Variants in MTUS2 observed in about 807,000 individuals in gnomAD.
MTUS2 encodes microtubule associated scaffold protein 2.
In MTUS2, 40 loss-of-function variants were observed where a neutral mutation model predicts 114.1. The observed-to-expected ratio is 0.35, with a 90% CI of 0.27 to 0.46. The LOEUF (loss-of-function observed/expected upper bound fraction) is 0.46. Among genes scored for constraint, MTUS2 ranks in the 20% least tolerant of loss-of-function variants. The probability of loss-of-function intolerance (pLI) is 1.00; values close to 1 mark genes in which losing one functional copy is unlikely to be tolerated. For synonymous variants in MTUS2, 688 were observed against 672.0 expected (o/e 1.02, Z -0.37); for missense variants, 1,679 against 1,705.4 (o/e 0.98, Z 0.27).
chr13:29,320,876 A>G (rs1476180187), intron 6 of MTUS2, among the ~76,000 whole-genome samples: 1 of 152,206 alleles, frequency 6.6e-6, no homozygotes, highest in Non-Finnish European at 1.5e-5. Flanking sequence ...GAGCTACTGA[A>G]GGTCAGAAAG....
intron 1 of MTUS2, among the ~76,000 whole-genome samples, chr13:28,823,578 A>G (rs1354365735): frequency 6.6e-6 from 1 of 152,174 alleles, no homozygotes; most frequent in Admixed American, 6.5e-5. Context: ...ACCAAACTTT[A>G]GTCAGGCTCC....
chr13:28,992,636 T>C (rs1318869278), intron 2 of MTUS2, among the ~76,000 whole-genome samples: 2 of 152,242 alleles, frequency 1.3e-5, no homozygotes, highest in African/African-American at 4.8e-5. Flanking sequence ...GGGTTATGCC[T>C]GACCATTTCT....
At position 29,025,259 on chromosome 13, in the gene MTUS2, C is replaced by T. The variant is rs771137363; in HGVS notation, c.561C>T (p.Val187=). The change falls in exon 3 of 16, where the codon GTC becomes GTT. Residue 187 remains valine, a synonymous_variant. Transcript: ENST00000612955. The stretch of plus-strand genomic sequence containing the variant: ...GAGCAAGCAGCTCTGTAGCTGCAGT[C>T]GGGAGCCTGACTCCGCAGCATCCAC... ...LERASSSVAA[V]GSLTPQHPQP... is the part of the protein sequence containing the mutation. The T allele has an allele frequency of 1.9e-6, 3 of 1,613,930 alleles. No homozygotes were observed. Among genetic ancestry groups the T allele is most frequent in the African/African-American group, 1.3e-5 (1 of 75,030 alleles).
intron 8 of MTUS2, among the ~76,000 whole-genome samples, chr13:29,437,947 C>CA (rs60962567): frequency 0.012 from 1,620 of 136,378 alleles, 33 homozygotes; most frequent in Admixed American, 0.032. Context: ...GATCTTATCT[C>CA]AAAAAAAAAA....
intron 5 of MTUS2, among the ~76,000 whole-genome samples, chr13:29,274,011 A>G (rs1361496837): frequency 6.6e-6 from 1 of 152,144 alleles, no homozygotes; most frequent in Non-Finnish European, 1.5e-5. Context: ...ATGTGAACAT[A>G]TGTTTTCAGT....
chr13:29,442,070 G>C (rs1363121874), intron 9 of MTUS2, among the ~76,000 whole-genome samples: 3 of 152,114 alleles, frequency 2.0e-5, no homozygotes, highest in Non-Finnish European at 4.4e-5. Context: ...AGGGGATGTG[G>C]AGGTGGAGAC....
At chr13:28,917,549 A>C (rs1032040925) in intron 2 of MTUS2, among the ~76,000 whole-genome samples, 1 of 150,724 alleles carries the variant, frequency 6.6e-6, no homozygotes, top group African/African-American at 2.4e-5. Context: ...TTGAATTTCT[A>C]TGATATCAGT....
intron 2 of MTUS2, among the ~76,000 whole-genome samples, chr13:28,910,466 C>T (rs550628420): frequency 4.3e-4 from 65 of 152,110 alleles, no homozygotes; most frequent in African/African-American, 1.4e-3. Context: ...TGGTTTGCCG[C>T]GTAGATCAAC....
intron 5 of MTUS2, among the ~76,000 whole-genome samples, chr13:29,118,388 C>T (rs930034147): frequency 5.9e-5 from 9 of 152,116 alleles, no homozygotes; most frequent in Non-Finnish European, 1.0e-4. Context: ...ATGTCCTCAT[C>T]CCGTGATGCA....
chr13:28,857,099 C>T (rs1876681807), intron 2 of MTUS2, among the ~76,000 whole-genome samples: 2 of 152,138 alleles, frequency 1.3e-5, no homozygotes, highest in African/African-American at 2.4e-5. Flanking sequence ...GGGAAGACCT[C>T]GGCATTGAGT....
At chr13:29,148,406 C>G (rs1165771057) in intron 5 of MTUS2, among the ~76,000 whole-genome samples, 1 of 142,716 alleles carries the variant, frequency 7.0e-6, no homozygotes, top group Non-Finnish European at 1.5e-5. Context: ...GTTGCCCCCC[C>G]ATGTGTCCAT....
intron 2 of MTUS2, among the ~76,000 whole-genome samples, chr13:28,860,045 G>T (rs1351422640): frequency 1.3e-5 from 2 of 152,158 alleles, no homozygotes; most frequent in East Asian, 3.9e-4. Flanking sequence ...AGACAAAGTG[G>T]TAGATAATCT....
At chr13:28,955,233 G>T (rs1481272898) in intron 2 of MTUS2, among the ~76,000 whole-genome samples, 1 of 152,174 alleles carries the variant, frequency 6.6e-6, no homozygotes. Context: ...CGATTTCTGT[G>T]AAGTTTTGCG....
chr13:29,306,918 C>G, intron 6 of MTUS2: 4 of 532,562 alleles, frequency 7.5e-6, no homozygotes, highest in South Asian at 5.6e-5. Context: ...TCTACATGTT[C>G]CAGTATGGTT....
chr13:29,270,775 G>A lies in MTUS2; in HGVS notation c.2645-10929G>A, dbSNP rs74904255. ...AGCTGCTGCTCCTTATCCTGCATCT[G>A]GTGGCATCTGATTGCTATTGAAGCT... is the stretch of plus-strand genomic sequence containing the variant. On this transcript the variant is annotated intron_variant, in intron 5 of 15. Coordinates refer to ENST00000612955, the MANE Select transcript of MTUS2 (RefSeq NM_001033602.4). 7.6e-3 allele frequency among the ~76,000 whole-genome samples: 1,156 copies of A among 152,286 alleles called. 15 individuals are homozygous for A. The highest frequency in any genetic ancestry group is 0.025 in the African/African-American group (1,040 of 41,568).
At chr13:29,166,052 T>C (rs1305217694) in intron 5 of MTUS2, among the ~76,000 whole-genome samples, 1 of 152,128 alleles carries the variant, frequency 6.6e-6, no homozygotes, top group Non-Finnish European at 1.5e-5. Flanking sequence ...GTAACTTGAT[T>C]GTGGTGGTGA....
chr13:29,145,930 A>G (rs189701861), intron 5 of MTUS2, among the ~76,000 whole-genome samples: 2 of 152,372 alleles, frequency 1.3e-5, no homozygotes, highest in East Asian at 3.9e-4. Context: ...AAAGCTGGAC[A>G]AAAGTTATTT....
At chr13:29,125,272 A>T (rs993851370) in intron 5 of MTUS2, among the ~76,000 whole-genome samples, 4 of 152,192 alleles carry the variant, frequency 2.6e-5, no homozygotes, top group Non-Finnish European at 5.9e-5. Flanking sequence ...CATCTTACAA[A>T]TAAATCTCTT....
At chr13:29,085,007 C>T (rs1433814408) in intron 4 of MTUS2, among the ~76,000 whole-genome samples, 1 of 152,126 alleles carries the variant, frequency 6.6e-6, no homozygotes, top group Admixed American at 6.5e-5. Flanking sequence ...TGGCTTAGTG[C>T]CATCCCCTTG....
Sources: allele counts gnomAD v4.1 joint callset (sites outside exome capture counted in the v4.1 genomes callset), GRCh38; gene constraint gnomAD v4.1.1; transcripts MANE v1.5; gene names NCBI Gene and HGNC (gene_info 2026-07-23, HGNC 2026-07-21).